FOXN3: variants seen among roughly 807,000 people sequenced by gnomAD.
FOXN3 encodes forkhead box N3, also known as forkhead box protein N3.
In FOXN3, 7 loss-of-function variants were observed where a neutral mutation model predicts 38.4. The observed-to-expected ratio is 0.18, with a 90% CI of 0.10 to 0.34. The LOEUF is 0.34. FOXN3 is among the 10% of genes least tolerant of loss of function. The pLI, the probability that FOXN3 is intolerant of heterozygous loss-of-function variation, is 1.00. For synonymous variants in FOXN3, 230 were observed against 242.2 expected, an observed-to-expected ratio of 0.95 and a Z score of 0.47; for missense variants, 456 against 613.4, an observed-to-expected ratio of 0.74 and a Z score of 2.71.
At position 89,162,698 on chromosome 14, in the gene FOXN3, C is replaced by A. The variant is rs149344132; in HGVS notation, c.1123G>T (p.Asp375Tyr). 1.9e-6 allele frequency: 3 copies of A among 1,613,906 alleles called. No individual in the cohort carries two copies. Among genetic ancestry groups the A allele is most frequent in the Non-Finnish European group, 2.5e-6 (3 of 1,180,004 alleles). The part of the protein sequence containing the change: ...HESPSDTEED[D>Y]RKHSQKEPKD... ...GGCTCCTTCTGGCTGTGCTTCCTGT[C>A]GTCCTCTTCCGTGTCGCTGGGGCTC... The change falls in exon 6 of 6, where the codon GAC becomes TAC. Residue 375 changes from aspartate (D) to tyrosine (Y), a missense_variant. Asp to Tyr is a radical substitution (Grantham distance 160, BLOSUM62 -3). This residue lies in a region of FOXN3 where 386 missense variants were observed against 505.2 expected (regional missense o/e 0.76). Transcript: ENST00000557258. This position sits in a 1 kb window ranked among gnomAD's most constrained non-coding sequence, Gnocchi z 7.2.
intron 1 of FOXN3, among the ~76,000 whole-genome samples, chr14:89,447,076 G>A (rs1203265787): frequency 1.3e-5 from 2 of 151,918 alleles, no homozygotes; most frequent in African/African-American, 4.8e-5. Flanking sequence ...TGCACCTGTA[G>A]TCCCAGCTAC....
chr14:89,593,074 A>G, intron 1 of FOXN3, among the ~76,000 whole-genome samples: 1 of 117,274 alleles, frequency 8.5e-6, no homozygotes, highest in African/African-American at 3.2e-5. Flanking sequence ...GGAGGGAGGG[A>G]GGGAATGAGG....
At position 89,540,689 on chromosome 14, in the gene FOXN3, G is replaced by C. The variant is rs144545119; in HGVS notation, c.-15+78339C>G. ...GGAGGCGGAGGCTGTAGTGAGCCGA[G>C]ATTGCAACACTGCACTCCAGCCTGG... On this transcript the variant is annotated intron_variant, in intron 1 of 6. Coordinates refer to the FOXN3 transcript ENST00000345097. Among the ~76,000 whole-genome samples, 1,098 of 146,006 alleles carry C rather than the reference G, an allele frequency of 7.5e-3. 13 individuals are homozygous for C. The highest frequency in any genetic ancestry group is 0.011 in the Non-Finnish European group (711 of 67,318).
At chr14:89,291,203 G>A (rs1886861674) in intron 3 of FOXN3, 2 of 444,072 alleles carry the variant, frequency 4.5e-6, no homozygotes, top group East Asian at 1.1e-4. Context: ...GGAGGCTTTT[G>A]CTGACATCCG....
intron 1 of FOXN3, among the ~76,000 whole-genome samples, chr14:89,468,833 T>G (rs1325649537): frequency 1.3e-5 from 2 of 152,144 alleles, no homozygotes; most frequent in Non-Finnish European, 2.9e-5. Context: ...TATTCACCAG[T>G]TGTTAATACT....
intron 1 of FOXN3, among the ~76,000 whole-genome samples, chr14:89,522,397 C>A (rs1369835534): frequency 2.6e-5 from 4 of 152,112 alleles, no homozygotes; most frequent in Non-Finnish European, 1.5e-5. Flanking sequence ...GACAGTGATA[C>A]CAGATGGAAC....
chr14:89,517,354 T>TAA (rs57430361), intron 1 of FOXN3, among the ~76,000 whole-genome samples: 2,108 of 129,114 alleles, frequency 0.016, 23 homozygotes, highest in Non-Finnish European at 0.018. Flanking sequence ...GACCCTGTCT[T>TAA]AAAAAAAAAA....
chr14:89,319,385 A>G (rs1887836482), intron 3 of FOXN3, among the ~76,000 whole-genome samples: 1 of 152,174 alleles, frequency 6.6e-6, no homozygotes, highest in Admixed American at 6.5e-5. Flanking sequence ...GGAAAGTCAC[A>G]CAGAATGCAC....
In FOXN3 at chr14:89,412,689, A is replaced by G. The variant is rs1891574429; in HGVS notation, c.-14-199T>C. Among the ~76,000 whole-genome samples, 1 of 152,172 alleles carries G rather than the reference A, an allele frequency of 6.6e-6. No homozygotes were observed. Among genetic ancestry groups the G allele is most frequent in the South Asian group, 2.1e-4 (1 of 4,820 alleles). ...GAGAGATAGGCTGATGAGAAAAATCAGCCCGCCATTCATATAGCAAGGTGA... is the reference window on the plus strand; with the variant it reads ...GAGAGATAGGCTGATGAGAAAAATCGGCCCGCCATTCATATAGCAAGGTGA... On this transcript the variant is annotated intron_variant, in intron 1 of 5. Transcript: ENST00000557258. The surrounding 1 kb of genome is among the most constrained non-coding windows in gnomAD (Gnocchi z 4.7).
chr14:89,226,156 T>G (rs950090274), intron 4 of FOXN3, among the ~76,000 whole-genome samples: 1 of 144,416 alleles, frequency 6.9e-6, no homozygotes, highest in African/African-American at 2.6e-5. Flanking sequence ...TTTCTGACCA[T>G]TGATCTACCA....
chr14:89,458,921 G>A (rs1036855392), intron 1 of FOXN3, among the ~76,000 whole-genome samples: 1 of 152,178 alleles, frequency 6.6e-6, no homozygotes, highest in African/African-American at 2.4e-5. Context: ...TTTGCTAAGT[G>A]GAAAAGGACA....
chr14:89,338,751 G>A (rs2139995789), intron 3 of FOXN3, among the ~76,000 whole-genome samples: 1 of 152,286 alleles, frequency 6.6e-6, no homozygotes, highest in East Asian at 1.9e-4. Flanking sequence ...GGAGGCTGCA[G>A]TGAGCCAAGA....
At chr14:89,617,068 ATG>A (rs1896509346) in intron 1 of FOXN3, among the ~76,000 whole-genome samples, 1 of 151,914 alleles carries the variant, frequency 6.6e-6, no homozygotes, top group South Asian at 2.1e-4. Flanking sequence ...TAGAGTATGT[ATG>A]TGTAGTGGGG....
intron 1 of FOXN3, among the ~76,000 whole-genome samples, chr14:89,511,260 TTTC>T (rs1335009390): frequency 0.014 from 310 of 22,702 alleles, 77 homozygotes; most frequent in African/African-American, 0.032. Context: ...TCTTTCTTTC[TTTC>T]TTTCTTTCTT....
At chr14:89,323,412 G>A (rs1321011154) in intron 3 of FOXN3, among the ~76,000 whole-genome samples, 1 of 151,932 alleles carries the variant, frequency 6.6e-6, no homozygotes, top group Non-Finnish European at 1.5e-5. Flanking sequence ...CCCAAAGAAG[G>A]AGAGGTCCCA....
intron 4 of FOXN3, among the ~76,000 whole-genome samples, chr14:89,238,952 C>T (rs552501645): frequency 9.9e-5 from 15 of 152,284 alleles, no homozygotes; most frequent in African/African-American, 3.6e-4. Flanking sequence ...TAATTGCAGA[C>T]TGCCAGTAAT....
intron 1 of FOXN3, among the ~76,000 whole-genome samples, chr14:89,440,873 G>A (rs1379077066): frequency 6.6e-6 from 1 of 152,172 alleles, no homozygotes; most frequent in African/African-American, 2.4e-5. Context: ...TCTGCAGTGG[G>A]TTAGTAATAG....
chr14:89,286,622 A>C (rs9671408), intron 3 of FOXN3, among the ~76,000 whole-genome samples: 139,685 of 152,212 alleles, frequency 0.92, 64,135 homozygotes, highest in East Asian at 0.98. Context: ...AGAATCACCC[A>C]CCACAAAAAA....
intron 3 of FOXN3, among the ~76,000 whole-genome samples, chr14:89,296,643 CTCAACATTT>C: frequency 6.6e-6 from 1 of 152,148 alleles, no homozygotes; most frequent in Non-Finnish European, 1.5e-5. Context: ...CAGGGATAAA[CTCAACATTT>C]CTCAACCGAG....
Sources: gnomAD v4.1 joint callset for allele counts (sites outside exome capture counted in the v4.1 genomes callset) on GRCh38, gnomAD v4.1.1 for gene constraint, gnomAD v4.1.1 regional missense constraint, Gnocchi (gnomAD v3.1) non-coding constraint, MANE v1.5 for transcripts, NCBI Gene and HGNC (gene_info 2026-07-23, HGNC 2026-07-21) for gene names.